Variants in TMEM268 observed in about 807,000 individuals in gnomAD.
TMEM268 encodes the protein transmembrane protein 268, also known as transmembrane protein C9orf91.
Under a neutral mutation model 39.1 loss-of-function variants are expected in TMEM268, and 24 were observed. The observed-to-expected ratio is 0.61, with a 90% CI of 0.44 to 0.86. The LOEUF (loss-of-function observed/expected upper bound fraction) is 0.86, where lower values mean the gene tolerates loss of function less well. Among genes scored for constraint, TMEM268 ranks in the 40% least tolerant of loss-of-function variants. The pLI is 0.00. For synonymous variants in TMEM268, 176 were observed against 173.5 expected, an observed-to-expected ratio of 1.01 and a Z score of -0.12; for missense variants, 409 against 428.6, an observed-to-expected ratio of 0.95 and a Z score of 0.40.
intron 2 of TMEM268, among the ~76,000 whole-genome samples, chr9:114,617,993 C>T (rs560896226): frequency 1.7e-4 from 26 of 152,158 alleles, no homozygotes; most frequent in South Asian, 4.2e-4. Context: ...TCTCCTGCCT[C>T]GGCTTCCCGA....
chr9:114,638,737 C>A lies in TMEM268; in HGVS notation c.849+11C>A. ...GAGGCTGAGCCGGAGGTAACAGGCA[C>A]TGGGGCTTGTTGGGGCCATCTTCCC... is the stretch of plus-strand genomic sequence containing the variant. On this transcript the variant is annotated intron_variant, in intron 8 of 8. Coordinates refer to ENST00000288502, the MANE Select transcript of TMEM268 (RefSeq NM_153045.4). The A allele has an allele frequency of 6.5e-7, 1 of 1,540,128 alleles. No individual in the cohort carries two copies.
At chr9:114,614,469 C>T (rs1313154886) in intron 1 of TMEM268, among the ~76,000 whole-genome samples, 1 of 152,172 alleles carries the variant, frequency 6.6e-6, no homozygotes, top group Non-Finnish European at 1.5e-5. Flanking sequence ...GAAGAGGCCC[C>T]ACATTTTCAT....
At chr9:114,623,912 T>C (rs1207183263) in intron 2 of TMEM268, among the ~76,000 whole-genome samples, 1 of 152,228 alleles carries the variant, frequency 6.6e-6, no homozygotes, top group Non-Finnish European at 1.5e-5. Context: ...ACTTAGACTC[T>C]CTGAGCCTAC....
At position 114,624,415 on chromosome 9, in the gene TMEM268, G is replaced by C. The variant is rs1323952972; in HGVS notation, c.172G>C (p.Asp58His). The part of the protein sequence containing the change: ...IDNTCAPISF[D>H]LGAAEEQLQT... ...CAATACCTGTGCACCCATCTCCTTCGACCTGGGAGCCGCAGAAGAGCAACT... is the reference window on the plus strand; with the variant it reads ...CAATACCTGTGCACCCATCTCCTTCCACCTGGGAGCCGCAGAAGAGCAACT... The change falls in exon 3 of 9, where the codon GAC (aspartate) becomes CAC (histidine). Residue 58 changes from aspartate (D) to histidine (H), a missense_variant. Physicochemically the swap from Asp to His is moderately conservative, Grantham distance 81. Coordinates refer to ENST00000288502, the MANE Select transcript of TMEM268 (RefSeq NM_153045.4). The C allele has an allele frequency of 1.9e-6, 3 of 1,597,452 alleles. No homozygotes were observed. Among genetic ancestry groups the C allele is most frequent in the East Asian group, 2.2e-5 (1 of 44,548 alleles).
chr9:114,639,381 C>A (rs1846790517), intron 8 of TMEM268, among the ~76,000 whole-genome samples: 1 of 152,228 alleles, frequency 6.6e-6, no homozygotes, highest in South Asian at 2.1e-4. Flanking sequence ...AAGAGATCTA[C>A]CCACCTCAAC....
chr9:114,638,101 G>GC (rs1361128092), intron 7 of TMEM268, among the ~76,000 whole-genome samples: 1 of 152,180 alleles, frequency 6.6e-6, no homozygotes, highest in African/African-American at 2.4e-5. Context: ...GAGTGCAGTG[G>GC]CGCCATCTTG....
At chr9:114,607,466 G>A (rs1845380435), upstream of TMEM268, among the ~76,000 whole-genome samples, 1 of 152,062 alleles carries the variant, frequency 6.6e-6, no homozygotes, top group Non-Finnish European at 1.5e-5. Context: ...GACCAGCTTG[G>A]GCAACATGGT....
rs1554755507 is a variant in TMEM268, at chr9:114,611,550, G to GCGC, written c.-91_-90insCCG. 7 of 167,396 alleles carry GCGC rather than the reference G, an allele frequency of 4.2e-5. No individual in the cohort carries two copies. Among genetic ancestry groups the GCGC allele is most frequent in the South Asian group, 3.3e-4 (2 of 6,020 alleles). 10.4% of individuals were successfully genotyped at this position (167,396 alleles called of 1,614,324 possible). A position where few individuals can be genotyped will look rare whatever the true frequency, so the allele number is the denominator to read the frequency against. The stretch of plus-strand genomic sequence containing the variant: ...TCCCGGGGTGGCGGCGGCGGCGGCG[G>GCGC]CGGCGGCGCGGGCGGTGAGTGTGCG... On this transcript the variant is annotated 5_prime_UTR_variant, in exon 1 of 9. Transcript: ENST00000288502.
chr9:114,624,589 G>A (rs922938979), intron 3 of TMEM268, 130 bp downstream of exon 3: 1 of 1,384,652 alleles, frequency 7.2e-7, no homozygotes, highest in Non-Finnish European at 9.5e-7. Context: ...ATATAAGGAA[G>A]GTATATTAGA....
Position 114,645,594 on chromosome 9 carries a change from A to G in TMEM268, c.*2281A>G, listed in dbSNP as rs1026476066. ...GGCACAGAGGAAATGTTGGCTGTGA[A>G]TGTGACCAATAGAAAGAAGCCCGTA... On this transcript the variant is annotated 3_prime_UTR_variant, in exon 9 of 9. Coordinates refer to ENST00000288502, the MANE Select transcript of TMEM268 (RefSeq NM_153045.4). 1 of 152,370 alleles carries G rather than the reference A, an allele frequency of 6.6e-6. No individual in the cohort carries two copies. Among genetic ancestry groups the G allele is most frequent in the Non-Finnish European group, 1.5e-5 (1 of 68,044 alleles). 9.4% of individuals were successfully genotyped at this position (152,370 alleles called of 1,614,324 possible).
intron 5 of TMEM268, among the ~76,000 whole-genome samples, chr9:114,629,653 C>T (rs553284535): frequency 1.3e-5 from 2 of 152,332 alleles, no homozygotes; most frequent in South Asian, 2.1e-4. Flanking sequence ...TGCTACCACA[C>T]CTATGTTGTC....
At chr9:114,609,750 A>G (rs117456596), upstream of TMEM268, among the ~76,000 whole-genome samples, 2,754 of 52,862 alleles carry the variant, frequency 0.052, 60 homozygotes, top group African/African-American at 0.11. Flanking sequence ...AAGGAAAGAA[A>G]GAAAGAAAGA....
chr9:114,637,729 A>G (rs1490523442), intron 7 of TMEM268, among the ~76,000 whole-genome samples: 1 of 152,182 alleles, frequency 6.6e-6, no homozygotes, highest in East Asian at 1.9e-4. Context: ...CTCTGCTTCT[A>G]CAGAGGAGGA....
chr9:114,643,424 A>C lies in TMEM268; in HGVS notation c.*111A>C. 1.1e-6 allele frequency: 1 copy of C among 915,080 alleles called. No homozygotes were observed. Among genetic ancestry groups the C allele is most frequent in the Non-Finnish European group, 1.7e-6 (1 of 598,182 alleles). The allele number at this position is 915,080 out of a possible 1,614,324, so 56.7% of individuals were successfully genotyped here. On this transcript the variant is annotated 3_prime_UTR_variant, in exon 9 of 9. Coordinates refer to ENST00000288502, the MANE Select transcript of TMEM268 (RefSeq NM_153045.4). Reference sequence around the variant, plus strand: ...GGTGAGGAGAGAAGCATCTGGGGGCACTCCAAAAGGGGCCTGTGATGTCAG... The same window carrying C: ...GGTGAGGAGAGAAGCATCTGGGGGCCCTCCAAAAGGGGCCTGTGATGTCAG...
intron 2 of TMEM268, among the ~76,000 whole-genome samples, chr9:114,621,661 A>G (rs1250026167): frequency 1.3e-5 from 2 of 152,280 alleles, no homozygotes; most frequent in East Asian, 3.9e-4. Context: ...GGGGAAAGTG[A>G]ATCATGAGCT....
chr9:114,634,615 T>C (rs1213830229), intron 6 of TMEM268, among the ~76,000 whole-genome samples: 1 of 152,170 alleles, frequency 6.6e-6, no homozygotes, highest in African/African-American at 2.4e-5. Context: ...AAAACCTCCT[T>C]GGCACCACAT....
intron 2 of TMEM268, chr9:114,622,330 C>T: frequency 1.0e-6 from 1 of 985,352 alleles, no homozygotes; most frequent in Non-Finnish European, 1.2e-6. Context: ...CCAAAATATC[C>T]AGTCCTCAGC....
At chr9:114,641,166 G>T (rs1470763706) in intron 8 of TMEM268, among the ~76,000 whole-genome samples, 1 of 151,982 alleles carries the variant, frequency 6.6e-6, no homozygotes, top group Non-Finnish European at 1.5e-5. Context: ...GTGAGCCACC[G>T]CGCCCGGCCT....
intron 5 of TMEM268, among the ~76,000 whole-genome samples, chr9:114,631,324 AG>A (rs1846390089): frequency 6.6e-6 from 1 of 151,118 alleles, no homozygotes; most frequent in Non-Finnish European, 1.5e-5. Flanking sequence ...TGGTTTGTAA[AG>A]GCAGGCAAGT....
Sources: allele counts gnomAD v4.1 joint callset (sites outside exome capture counted in the v4.1 genomes callset), GRCh38; gene constraint gnomAD v4.1.1; transcripts MANE v1.5; gene names NCBI Gene and HGNC (gene_info 2026-07-23, HGNC 2026-07-21).